The following NECAB1 variants were observed in gnomAD, a reference collection of about 807,000 sequenced individuals.
The protein encoded by NECAB1 is N-terminal EF-hand calcium binding protein 1, also known as N-terminal EF-hand calcium-binding protein 1.
A neutral mutation model predicts 57.5 loss-of-function variants in NECAB1; 29 were observed. The ratio of observed to expected loss-of-function variants is 0.50; its 90% CI spans 0.38 to 0.69. The LOEUF (loss-of-function observed/expected upper bound fraction) is 0.69, where lower values mean the gene tolerates loss of function less well. Ranked by LOEUF, NECAB1 falls within the 30% of genes least tolerant of loss-of-function variation. NECAB1 has a pLI of 0.00. For synonymous variants in NECAB1, 142 were observed against 147.7 expected (o/e 0.96, Z 0.28); for missense variants, 372 against 413.8 (o/e 0.90, Z 0.88).
intron 2 of NECAB1, among the ~76,000 whole-genome samples, chr8:90,803,885 A>T (rs1180339620): frequency 2.0e-5 from 3 of 152,158 alleles, no homozygotes; most frequent in East Asian, 3.9e-4. Context: ...TCCTGCTCAA[A>T]GACACCTTAT....
intron 4 of NECAB1, among the ~76,000 whole-genome samples, chr8:90,875,430 G>A (rs1349136678): frequency 7.4e-6 from 1 of 135,940 alleles, no homozygotes; most frequent in African/African-American, 2.8e-5. Context: ...GCAGTGAGCC[G>A]AGATTGCGCC....
chr8:90,946,780 T>C (rs996645994), intron 10 of NECAB1, among the ~76,000 whole-genome samples: 9 of 152,174 alleles, frequency 5.9e-5, no homozygotes, highest in African/African-American at 1.7e-4. Flanking sequence ...CCCTTGCATC[T>C]CACTGGCCAG....
intron 3 of NECAB1, among the ~76,000 whole-genome samples, chr8:90,840,638 A>C (rs999934800): frequency 6.6e-6 from 1 of 152,220 alleles, no homozygotes; most frequent in African/African-American, 2.4e-5. Context: ...AAAACGTATG[A>C]GCAAATTTTT....
chr8:90,805,449 G>A lies in NECAB1; in HGVS notation c.124+3734G>A, dbSNP rs1349416849. Reference sequence around the variant, plus strand: ...AGCTGCTGGATAAATTGGGTGGGGTGGGAGGGATACACATTAACGATTAGC... The same window carrying A: ...AGCTGCTGGATAAATTGGGTGGGGTAGGAGGGATACACATTAACGATTAGC... On this transcript the variant is annotated intron_variant, in intron 2 of 12. Coordinates refer to ENST00000417640, the MANE Select transcript of NECAB1 (RefSeq NM_022351.5). Among the ~76,000 whole-genome samples the A allele has an allele frequency of 2.6e-5, 4 of 151,528 alleles. No individual in the cohort carries two copies. In the East Asian group the frequency reaches 5.8e-4, roughly 22 times the overall value.
At chr8:90,902,431 AC>A (rs1321985448) in intron 5 of NECAB1, among the ~76,000 whole-genome samples, 1 of 152,168 alleles carries the variant, frequency 6.6e-6, no homozygotes, top group African/African-American at 2.4e-5. Flanking sequence ...AAACAAACGA[AC>A]AAACAATTAT....
intron 6 of NECAB1, among the ~76,000 whole-genome samples, chr8:90,924,253 G>A (rs1434306681): frequency 6.6e-6 from 1 of 152,126 alleles, no homozygotes. Flanking sequence ...ATAAAGTAAG[G>A]AAGATGTTTA....
intron 5 of NECAB1, among the ~76,000 whole-genome samples, chr8:90,890,570 T>C (rs988371292): frequency 6.6e-6 from 1 of 152,204 alleles, no homozygotes; most frequent in African/African-American, 2.4e-5. Context: ...AATGTATATA[T>C]AATGAATATA....
intron 5 of NECAB1, among the ~76,000 whole-genome samples, chr8:90,907,116 C>A (rs1054948610): frequency 7.3e-6 from 1 of 136,180 alleles, no homozygotes; most frequent in Admixed American, 8.0e-5. Context: ...TATAATCCAC[C>A]CAATTTTGTG....
chr8:90,919,303 T>C (rs1024171074), intron 6 of NECAB1, among the ~76,000 whole-genome samples: 2 of 152,186 alleles, frequency 1.3e-5, no homozygotes, highest in Non-Finnish European at 2.9e-5. Context: ...TATCTAACTT[T>C]TACATCTTAA....
At chr8:90,908,771 A>G (rs1809756487) in intron 5 of NECAB1, among the ~76,000 whole-genome samples, 1 of 152,144 alleles carries the variant, frequency 6.6e-6, no homozygotes, top group Admixed American at 6.6e-5. Flanking sequence ...GTCTTTCCAC[A>G]TGCTCTGTCC....
At chr8:90,888,266 A>G (rs1364661855) in intron 5 of NECAB1, among the ~76,000 whole-genome samples, 1 of 152,176 alleles carries the variant, frequency 6.6e-6, no homozygotes, top group Non-Finnish European at 1.5e-5. Context: ...ACACTGTTCT[A>G]TTTAAAAAGA....
rs1350425785 is a variant in NECAB1 at position 90,957,569 on chromosome 8, T to G, written c.*2057T>G. 6.6e-6 allele frequency: 1 copy of G among 151,442 alleles called. No homozygotes were observed. The highest frequency in any genetic ancestry group is 1.5e-5 in the Non-Finnish European group (1 of 67,684). The allele number at this position is 151,442 out of a possible 1,614,324, so 9.4% of individuals were successfully genotyped here. On this transcript the variant is annotated 3_prime_UTR_variant, in exon 13 of 13. Coordinates refer to ENST00000417640, the MANE Select transcript of NECAB1 (RefSeq NM_022351.5). ...CTCTTATACAAATTATACATGTATT[T>G]TTGTGTATGTTTGTGAGAGTTGTAT...
chr8:90,945,124 C>T (rs1405497003), intron 10 of NECAB1, among the ~76,000 whole-genome samples: 1 of 152,000 alleles, frequency 6.6e-6, no homozygotes, highest in Non-Finnish European at 1.5e-5. Flanking sequence ...AGTGCCCAGG[C>T]TTGCGTGATC....
intron 5 of NECAB1, among the ~76,000 whole-genome samples, chr8:90,903,316 A>AT (rs1809552707): frequency 6.6e-6 from 1 of 152,120 alleles, no homozygotes; most frequent in Admixed American, 6.5e-5. Flanking sequence ...AATTTATAAC[A>AT]TTGCTACTTC....
chr8:90,834,164 CA>C (rs71560282), intron 3 of NECAB1, among the ~76,000 whole-genome samples: 8,441 of 48,988 alleles, frequency 0.17, 164 homozygotes, highest in African/African-American at 0.35. Flanking sequence ...AACTGTGTCT[CA>C]AAAAAAAAAA....
At position 90,888,993 on chromosome 8, in the gene NECAB1, C is replaced by T. The variant is rs150118088; in HGVS notation, c.357+7863C>T. 2.0e-5 allele frequency among the ~76,000 whole-genome samples: 3 copies of T among 152,260 alleles called. No homozygotes were observed. In the East Asian group the frequency reaches 5.8e-4, roughly 29 times the overall value. On this transcript the variant is annotated intron_variant, in intron 5 of 12. Coordinates refer to ENST00000417640, the MANE Select transcript of NECAB1 (RefSeq NM_022351.5). ...TCACTTTTTAGGACTACCAATTATG[C>T]CACAAGCAGCCTAGTTTCTGACAGT...
At chr8:90,950,992 C>A (rs1024888618) in intron 11 of NECAB1, 121 bp from the exon 12 acceptor site, 3 of 455,304 alleles carry the variant, frequency 6.6e-6, no homozygotes, top group Non-Finnish European at 1.1e-5. Context: ...AGCTTGTATC[C>A]AGGAGCTTAT....
At chr8:90,826,434 C>T (rs139574348) in intron 3 of NECAB1, among the ~76,000 whole-genome samples, 15 of 152,012 alleles carry the variant, frequency 9.9e-5, no homozygotes, top group South Asian at 6.2e-4. Context: ...CTCCTTAAAT[C>T]GCTACTGGGG....
intron 4 of NECAB1, among the ~76,000 whole-genome samples, chr8:90,878,040 C>A (rs74716925): frequency 0.024 from 3,517 of 145,434 alleles, 97 homozygotes; most frequent in East Asian, 0.14. Flanking sequence ...CATTCTTTTT[C>A]TTTTTTTTTT....
Sources: allele counts gnomAD v4.1 joint callset (sites outside exome capture counted in the v4.1 genomes callset), GRCh38; gene constraint gnomAD v4.1.1; transcripts MANE v1.5; gene names NCBI Gene and HGNC (gene_info 2026-07-23, HGNC 2026-07-21).